Variants in PAM observed in about 807,000 individuals in gnomAD.
PAM encodes the protein peptidyl-glycine alpha-amidating monooxygenase.
A neutral mutation model predicts 122.1 loss-of-function variants in PAM; 72 were observed. The ratio of observed to expected loss-of-function variants is 0.59; its 90% confidence interval spans 0.49 to 0.72. The LOEUF (loss-of-function observed/expected upper bound fraction) is 0.72. Ranked by LOEUF, PAM falls within the 30% of genes least tolerant of loss-of-function variation. PAM has a pLI of 0.00. For synonymous variants in PAM, 389 were observed against 404.4 expected (o/e 0.96, Z 0.46); for missense variants, 1,106 against 1,183.7 (o/e 0.93, Z 0.96).
At chr5:102,886,183 T>C (rs1383986785) in intron 3 of PAM, among the ~76,000 whole-genome samples, 1 of 152,094 alleles carries the variant, frequency 6.6e-6, no homozygotes, top group African/African-American at 2.4e-5. Context: ...AAACCTGTGA[T>C]TTGCTGTCCT....
intron 1 of PAM, among the ~76,000 whole-genome samples, chr5:102,839,791 T>C (rs1561592962): frequency 6.6e-6 from 1 of 152,156 alleles, no homozygotes; most frequent in Non-Finnish European, 1.5e-5. Flanking sequence ...AAAAATTATT[T>C]TTTAATGGTT....
chr5:103,006,404 T>A (rs1324473110), intron 18 of PAM, among the ~76,000 whole-genome samples: 2 of 152,218 alleles, frequency 1.3e-5, no homozygotes, highest in Non-Finnish European at 2.9e-5. Context: ...ATGCTTTTCA[T>A]GAATAGGTGG....
At chr5:103,014,974 C>T (rs575858348) in intron 21 of PAM, among the ~76,000 whole-genome samples, 15 of 152,002 alleles carry the variant, frequency 9.9e-5, no homozygotes, top group African/African-American at 3.1e-4. Context: ...GAGAATGATC[C>T]CCATCCTTCC....
intron 1 of PAM, among the ~76,000 whole-genome samples, chr5:102,860,886 T>C (rs1783984977): frequency 1.3e-5 from 2 of 152,088 alleles, no homozygotes; most frequent in African/African-American, 4.8e-5. Context: ...AAGCAGATGG[T>C]CCTCCCCACC....
intron 1 of PAM, among the ~76,000 whole-genome samples, chr5:102,798,622 G>A (rs991764305): frequency 1.3e-5 from 2 of 152,104 alleles, no homozygotes; most frequent in Non-Finnish European, 2.9e-5. Flanking sequence ...CACCCAGCAT[G>A]GGTTCATGAA....
intron 1 of PAM, among the ~76,000 whole-genome samples, chr5:102,858,882 A>C (rs1032449352): frequency 3.9e-5 from 6 of 152,218 alleles, no homozygotes; most frequent in African/African-American, 7.2e-5. Context: ...GTCACGACAC[A>C]TATGTGATGG....
chr5:102,959,279 T>C (rs1453300434), intron 12 of PAM, among the ~76,000 whole-genome samples: 2 of 152,122 alleles, frequency 1.3e-5, no homozygotes, highest in African/African-American at 2.4e-5. Flanking sequence ...AAAAGCCTAG[T>C]TGCCAAGTCA....
intron 19 of PAM, 93 bp downstream of exon 19, chr5:103,007,104 A>G: frequency 2.1e-6 from 2 of 933,356 alleles, no homozygotes. Flanking sequence ...TTTAAGCTGT[A>G]ATTGTCCCCT....
chr5:103,021,855 A>C (rs151021217), intron 23 of PAM, among the ~76,000 whole-genome samples: 3 of 152,170 alleles, frequency 2.0e-5, no homozygotes, highest in Non-Finnish European at 4.4e-5. Flanking sequence ...ATAGCCTTGT[A>C]GTTACATGTT....
chr5:102,979,142 C>T (rs917437892), intron 15 of PAM, among the ~76,000 whole-genome samples: 2 of 151,884 alleles, frequency 1.3e-5, no homozygotes, highest in East Asian at 3.9e-4. Context: ...TCTCAGGCTA[C>T]AATTGTAATA....
chr5:102,866,969 TTA>T (rs1451672300), intron 2 of PAM, among the ~76,000 whole-genome samples: 1 of 152,238 alleles, frequency 6.6e-6, no homozygotes, highest in East Asian at 1.9e-4. Context: ...TGACATATTT[TTA>T]TATGACATAA....
chr5:102,923,133 A>C (rs1388070850), intron 5 of PAM, among the ~76,000 whole-genome samples: 1 of 152,250 alleles, frequency 6.6e-6, no homozygotes, highest in East Asian at 1.9e-4. Flanking sequence ...AACCTTATCA[A>C]GACTTCCTGG....
intron 1 of PAM, among the ~76,000 whole-genome samples, chr5:102,786,918 T>TAAC (rs1466346755): frequency 6.6e-6 from 1 of 152,088 alleles, no homozygotes; most frequent in Non-Finnish European, 1.5e-5. Flanking sequence ...TGATTATAAT[T>TAAC]AATAATAATA....
intron 15 of PAM, among the ~76,000 whole-genome samples, chr5:102,985,239 A>G (rs975092254): frequency 6.6e-6 from 1 of 152,070 alleles, no homozygotes; most frequent in East Asian, 1.9e-4. Context: ...ACTAAATGAA[A>G]TAGAGACTAA....
chr5:102,896,565 G>C (rs1022916032), intron 3 of PAM, among the ~76,000 whole-genome samples: 1 of 151,604 alleles, frequency 6.6e-6, no homozygotes, highest in African/African-American at 2.4e-5. Flanking sequence ...TTACATTCTA[G>C]GTTGGGAAAA....
intron 1 of PAM, chr5:102,837,632 G>T (rs1404061861): frequency 6.6e-6 from 1 of 152,132 alleles, no homozygotes; most frequent in Non-Finnish European, 1.5e-5. Context: ...AATTTAAAAG[G>T]TACATTAATC....
chr5:103,023,089 A>G (rs758233813), intron 23 of PAM, among the ~76,000 whole-genome samples: 6 of 152,092 alleles, frequency 3.9e-5, no homozygotes, highest in African/African-American at 7.2e-5. Flanking sequence ...AAAATCAAGA[A>G]TTTCTAAAGT....
At chr5:102,849,600 A>G (rs1400528608) in intron 1 of PAM, among the ~76,000 whole-genome samples, 1 of 151,936 alleles carries the variant, frequency 6.6e-6, no homozygotes, top group Non-Finnish European at 1.5e-5. Context: ...GCATAAGTAA[A>G]GGTAACAATC....
At chr5:102,946,020 A>G (rs539876942) in intron 7 of PAM, among the ~76,000 whole-genome samples, 1 of 152,188 alleles carries the variant, frequency 6.6e-6, no homozygotes, top group East Asian at 1.9e-4. Flanking sequence ...GAAATATGCA[A>G]AACTAGCTGA....
Sources: allele counts gnomAD v4.1 joint callset (sites outside exome capture counted in the v4.1 genomes callset), GRCh38; gene constraint gnomAD v4.1.1; transcripts MANE v1.5; gene names NCBI Gene and HGNC (gene_info 2026-07-23, HGNC 2026-07-21).